Variants in FEZ2 observed in about 807,000 individuals in gnomAD.
FEZ2 encodes the protein fasciculation and elongation protein zeta-2.
A neutral mutation model predicts 40.4 loss-of-function variants in FEZ2; 51 were observed. The observed-to-expected ratio is 1.26, with a 90% confidence interval of 1.01 to 1.59. The LOEUF (loss-of-function observed/expected upper bound fraction) is 1.59. Among genes scored for constraint, FEZ2 ranks in the 40% most tolerant of loss-of-function variants. The pLI is 0.00. For synonymous variants in FEZ2, 242 were observed against 172.0 expected (o/e 1.41, Z -3.18); for missense variants, 640 against 438.3 (o/e 1.46, Z -4.11).
chr2:36,572,644 T>C (rs1227871186), intron 5 of FEZ2, among the ~76,000 whole-genome samples: 3 of 152,326 alleles, frequency 2.0e-5, no homozygotes, highest in East Asian at 3.9e-4. Context: ...TAAAACTGTA[T>C]TCATAAAACA....
intron 5 of FEZ2, among the ~76,000 whole-genome samples, chr2:36,564,761 G>A (rs1668186629): frequency 6.6e-6 from 1 of 151,988 alleles, no homozygotes; most frequent in Non-Finnish European, 1.5e-5. Flanking sequence ...CAGCCAACCG[G>A]GCCAACTCGG....
intron 5 of FEZ2, among the ~76,000 whole-genome samples, chr2:36,577,321 G>A (rs899630059): frequency 3.3e-5 from 5 of 151,338 alleles, no homozygotes; most frequent in African/African-American, 4.9e-5. Context: ...GCAATGGCAC[G>A]ATCTTGGCTC....
chr2:36,585,848 C>T (rs1038452998), intron 2 of FEZ2, among the ~76,000 whole-genome samples: 1 of 152,080 alleles, frequency 6.6e-6, no homozygotes, highest in African/African-American at 2.4e-5. Context: ...AGAGCTAAAC[C>T]TTCACCCTCT....
chr2:36,581,826 C>T (rs561211827), intron 3 of FEZ2, among the ~76,000 whole-genome samples: 4 of 152,010 alleles, frequency 2.6e-5, no homozygotes, highest in Non-Finnish European at 5.9e-5. Flanking sequence ...CATACAAGTG[C>T]TCAATTTAAA....
chr2:36,597,788 C>T (rs1214284412), intron 1 of FEZ2, 89 bp downstream of exon 1: 10 of 992,278 alleles, frequency 1.0e-5, no homozygotes, highest in Non-Finnish European at 1.3e-5. Context: ...GGAAGGAGGG[C>T]GCAGGGAGGA....
In FEZ2 at chr2:36,583,015, G is replaced by A. The variant is rs571630414; in HGVS notation, c.492+338C>T. Among the ~76,000 whole-genome samples the A allele has an allele frequency of 8.5e-5, 13 of 152,248 alleles. 1 individual carries two copies. The East Asian group carries it at 1.5e-3, about 18-fold the overall frequency. On this transcript the variant is annotated intron_variant, in intron 3 of 7. Transcript: ENST00000405912. Reference sequence around the variant, plus strand: ...GAAGATACTAAATAATTTCTACACAGATACTTTACAGTTTGTCCGTGTTTG... The same window carrying A: ...GAAGATACTAAATAATTTCTACACAAATACTTTACAGTTTGTCCGTGTTTG...
Position 36,581,218 on chromosome 2 carries a change from G to T in FEZ2, c.634+72C>A, listed in dbSNP as rs189831221. The T allele has an allele frequency of 2.7e-4, 354 of 1,331,790 alleles. 3 individuals are homozygous for T. In the African/African-American group the frequency reaches 3.5e-3, roughly 13 times the overall value. The allele number at this position is 1,331,790 out of a possible 1,614,324, so 82.5% of individuals were successfully genotyped here. The stretch of plus-strand genomic sequence containing the variant: ...AAGGAGGATGAAATCAAAGCTTTCT[G>T]GAGATGATCATACTATACATTTGAT... On this transcript the variant is annotated intron_variant, in intron 4 of 7. Coordinates refer to ENST00000405912, the MANE Select transcript of FEZ2 (RefSeq NM_005102.3).
intron 6 of FEZ2, 162 bp downstream of exon 6, chr2:36,558,276 C>T: frequency 2.2e-6 from 1 of 454,180 alleles, no homozygotes. Context: ...TATTTAATGT[C>T]ACAGCCATTT....
chr2:36,590,997 A>T lies in FEZ2; in HGVS notation c.281T>A (p.Leu94Gln), dbSNP rs1242525511. 1 of 1,604,020 alleles carries T rather than the reference A, an allele frequency of 6.2e-7. No individual in the cohort carries two copies. The highest frequency in any genetic ancestry group is 8.5e-7 in the Non-Finnish European group (1 of 1,170,752). The change falls in exon 2 of 8, where the codon CTG (leucine) becomes CAG (glutamine). Residue 94 changes from leucine to glutamine, a missense_variant. Leu to Gln is a moderately radical substitution (Grantham distance 113). Coordinates refer to ENST00000405912, the MANE Select transcript of FEZ2 (RefSeq NM_005102.3). ...LLQGDEIWNA[L>Q]TDNYGNVMPV... The stretch of plus-strand genomic sequence containing the variant: ...CATCACATTCCCATAATTATCTGTC[A>T]GGGCATTCCAAATCCTTAAAAAGAA...
At chr2:36,562,504 T>C (rs1558442801) in intron 5 of FEZ2, among the ~76,000 whole-genome samples, 1 of 152,152 alleles carries the variant, frequency 6.6e-6, no homozygotes, top group African/African-American at 2.4e-5. Context: ...TCCTAAACCA[T>C]CCAACTTCCC....
intron 7 of FEZ2, 71 bp downstream of exon 7, chr2:36,555,612 T>C (rs1251267440): frequency 2.6e-6 from 2 of 761,488 alleles, no homozygotes; most frequent in African/African-American, 1.8e-5. Context: ...TCTAATGTAT[T>C]AGCAAGGCGA....
At chr2:36,595,616 G>A (rs1447643044) in intron 1 of FEZ2, among the ~76,000 whole-genome samples, 1 of 152,156 alleles carries the variant, frequency 6.6e-6, no homozygotes, top group Non-Finnish European at 1.5e-5. Context: ...CCAGGGGTTG[G>A]GGACCCCTTG....
intron 1 of FEZ2, among the ~76,000 whole-genome samples, chr2:36,594,886 G>C (rs886887887): frequency 3.9e-5 from 6 of 152,310 alleles, no homozygotes; most frequent in African/African-American, 1.4e-4. Flanking sequence ...GAAAATGAAA[G>C]CCAACTAACA....
intron 4 of FEZ2, among the ~76,000 whole-genome samples, chr2:36,579,556 G>GC (rs1405577202): frequency 1.3e-5 from 2 of 151,826 alleles, no homozygotes. Flanking sequence ...ACTCCCCCCA[G>GC]CCCCCTTCCT....
intron 2 of FEZ2, among the ~76,000 whole-genome samples, chr2:36,585,419 C>A (rs1668873575): frequency 6.6e-6 from 1 of 151,878 alleles, no homozygotes; most frequent in Non-Finnish European, 1.5e-5. Context: ...AGTGAAAATC[C>A]CAGAATGATG....
intron 5 of FEZ2, among the ~76,000 whole-genome samples, chr2:36,576,387 A>G (rs1431433197): frequency 6.6e-6 from 1 of 152,010 alleles, no homozygotes; most frequent in Admixed American, 6.5e-5. Context: ...CTCATGCCTC[A>G]GCCTCCCGAG....
At chr2:36,568,387 T>C (rs954545858) in intron 5 of FEZ2, among the ~76,000 whole-genome samples, 1 of 152,142 alleles carries the variant, frequency 6.6e-6, no homozygotes, top group Non-Finnish European at 1.5e-5. Context: ...AAAAAACAAT[T>C]TGTTACAGTT....
At chr2:36,561,016 C>T (rs1668079013) in intron 5 of FEZ2, among the ~76,000 whole-genome samples, 1 of 152,174 alleles carries the variant, frequency 6.6e-6, no homozygotes, top group African/African-American at 2.4e-5. Context: ...TAAACCCATG[C>T]TCTTTTTAAA....
chr2:36,576,501 C>G (rs563866315), intron 5 of FEZ2, among the ~76,000 whole-genome samples: 3 of 152,250 alleles, frequency 2.0e-5, no homozygotes, highest in Admixed American at 2.0e-4. Flanking sequence ...GAACTCCTGA[C>G]GTCAGGTGAT....
Sources: gnomAD v4.1 joint callset for allele counts (sites outside exome capture counted in the v4.1 genomes callset) on GRCh38, gnomAD v4.1.1 for gene constraint, MANE v1.5 for transcripts, NCBI Gene and HGNC (gene_info 2026-07-23, HGNC 2026-07-21) for gene names.